Variants in RSU1 observed in about 807,000 individuals in gnomAD.
RSU1 encodes the protein rsu-1.
RSU1 carries 26 observed loss-of-function variants against 31.1 expected under a neutral mutation model. The observed-to-expected ratio is 0.84, with a 90% CI of 0.61 to 1.16. The LOEUF (loss-of-function observed/expected upper bound fraction) is 1.16, where lower values mean the gene tolerates loss of function less well. Ranked by LOEUF, RSU1 falls within the 50% of genes most tolerant of loss-of-function variation. The pLI is 0.00. For missense variants in RSU1, 320 were observed against 339.1 expected, an observed-to-expected ratio of 0.94 and a Z score of 0.44; for synonymous variants, 164 against 136.3, an observed-to-expected ratio of 1.20 and a Z score of -1.41.
chr10:16,784,023 C>A (rs561051012), intron 2 of RSU1, among the ~76,000 whole-genome samples: 1 of 152,088 alleles, frequency 6.6e-6, no homozygotes, highest in South Asian at 2.1e-4. Context: ...CCTTGACTTT[C>A]GTGACCTTGG....
At chr10:16,611,411 T>C (rs1310540187) in intron 8 of RSU1, among the ~76,000 whole-genome samples, 1 of 152,222 alleles carries the variant, frequency 6.6e-6, no homozygotes, top group East Asian at 1.9e-4. Context: ...TCCCCATTCT[T>C]TGTTGAGGAA....
chr10:16,733,772 G>C (rs1287786974), intron 7 of RSU1, among the ~76,000 whole-genome samples: 5 of 152,218 alleles, frequency 3.3e-5, no homozygotes, highest in African/African-American at 1.2e-4. Flanking sequence ...GAATGAGCTT[G>C]AATGAGAAGA....
At chr10:16,604,054 A>G (rs1833757077) in intron 8 of RSU1, among the ~76,000 whole-genome samples, 1 of 152,202 alleles carries the variant, frequency 6.6e-6, no homozygotes, top group African/African-American at 2.4e-5. Context: ...ACAGTCACCA[A>G]TGATCACTTT....
intron 2 of RSU1, among the ~76,000 whole-genome samples, chr10:16,811,520 G>A (rs12355692): frequency 0.026 from 3,960 of 152,180 alleles, 60 homozygotes; most frequent in Non-Finnish European, 0.038. Flanking sequence ...TACACAGCTA[G>A]TAGCAAACAA....
chr10:16,665,563 T>C (rs1231141715), intron 8 of RSU1, among the ~76,000 whole-genome samples: 3 of 152,224 alleles, frequency 2.0e-5, no homozygotes, highest in Non-Finnish European at 2.9e-5. Context: ...AGCATTCACA[T>C]CTTGTCCAGA....
intron 2 of RSU1, among the ~76,000 whole-genome samples, chr10:16,814,107 A>G (rs1838471113): frequency 6.6e-6 from 1 of 152,222 alleles, no homozygotes. Flanking sequence ...GGATACTAGT[A>G]TATAAAACTT....
At chr10:16,620,746 G>A (rs1834055234) in intron 8 of RSU1, among the ~76,000 whole-genome samples, 1 of 151,834 alleles carries the variant, frequency 6.6e-6, no homozygotes, top group Admixed American at 6.6e-5. Context: ...TTGGGAGGCT[G>A]AGGCAGGAGA....
chr10:16,656,014 C>T (rs1425089552), intron 8 of RSU1, among the ~76,000 whole-genome samples: 1 of 151,862 alleles, frequency 6.6e-6, no homozygotes, highest in Non-Finnish European at 1.5e-5. Context: ...TAATATATTT[C>T]TCATTATGAA....
intron 8 of RSU1, among the ~76,000 whole-genome samples, chr10:16,611,749 C>T (rs1049460092): frequency 1.3e-5 from 2 of 152,200 alleles, no homozygotes; most frequent in African/African-American, 4.8e-5. Flanking sequence ...GCTGGTATGA[C>T]TCATGAATAC....
At chr10:16,690,925 T>C (rs1483811322) in intron 8 of RSU1, among the ~76,000 whole-genome samples, 1 of 152,014 alleles carries the variant, frequency 6.6e-6, no homozygotes, top group Non-Finnish European at 1.5e-5. Context: ...CAAATACACA[T>C]CCGCAACACA....
At chr10:16,669,091 T>C (rs549939874) in intron 8 of RSU1, among the ~76,000 whole-genome samples, 1 of 152,326 alleles carries the variant, frequency 6.6e-6, no homozygotes, top group East Asian at 1.9e-4. Flanking sequence ...TGTAAGTTTC[T>C]GTTAAGAGGA....
At chr10:16,711,629 G>A (rs2131580893) in intron 7 of RSU1, among the ~76,000 whole-genome samples, 1 of 152,200 alleles carries the variant, frequency 6.6e-6, no homozygotes, top group South Asian at 2.1e-4. Context: ...TCATTTCTCT[G>A]TTAATTTAAT....
intron 3 of RSU1, among the ~76,000 whole-genome samples, chr10:16,771,831 A>G (rs2131637843): frequency 6.6e-6 from 1 of 152,372 alleles, no homozygotes; most frequent in South Asian, 2.1e-4. Flanking sequence ...AAAGTTTATG[A>G]AACAGTAAAG....
chr10:16,621,757 G>A (rs145540510), intron 8 of RSU1, among the ~76,000 whole-genome samples: 3 of 152,094 alleles, frequency 2.0e-5, no homozygotes, highest in African/African-American at 7.2e-5. Flanking sequence ...GGAAAAACCT[G>A]CCACCCATGA....
At chr10:16,749,091 T>G (rs1315601396) in intron 7 of RSU1, among the ~76,000 whole-genome samples, 1 of 152,138 alleles carries the variant, frequency 6.6e-6, no homozygotes, top group Non-Finnish European at 1.5e-5. Flanking sequence ...AATAGGAACT[T>G]AACCTGAATG....
intron 2 of RSU1, among the ~76,000 whole-genome samples, chr10:16,798,846 T>C (rs1300750562): frequency 1.4e-5 from 2 of 144,108 alleles, no homozygotes; most frequent in African/African-American, 5.4e-5. Context: ...CCAGAAGAAA[T>C]AGAGTAACAC....
intron 5 of RSU1, among the ~76,000 whole-genome samples, chr10:16,753,290 T>C (rs368752151): frequency 6.6e-6 from 1 of 152,238 alleles, no homozygotes; most frequent in African/African-American, 2.4e-5. Flanking sequence ...AAAAGATTGC[T>C]ATACTTCTCA....
At chr10:16,687,049 C>T (rs1183972351) in intron 8 of RSU1, among the ~76,000 whole-genome samples, 1 of 152,180 alleles carries the variant, frequency 6.6e-6, no homozygotes, top group Non-Finnish European at 1.5e-5. Flanking sequence ...GAGGATTAAC[C>T]ACATTAGAGG....
At chr10:16,774,025 G>C (rs1317898837) in intron 3 of RSU1, among the ~76,000 whole-genome samples, 3 of 151,524 alleles carry the variant, frequency 2.0e-5, no homozygotes, top group Non-Finnish European at 4.4e-5. Flanking sequence ...GTTATCAATT[G>C]TATCTGAGTG....
Sources: gnomAD v4.1 joint callset for allele counts (sites outside exome capture counted in the v4.1 genomes callset) on GRCh38, gnomAD v4.1.1 for gene constraint, MANE v1.5 for transcripts, NCBI Gene and HGNC (gene_info 2026-07-23, HGNC 2026-07-21) for gene names.